BTF3L4: variants seen among roughly 807,000 people sequenced by gnomAD.
The protein encoded by BTF3L4 is basic transcription factor 3 like 4.
Under a neutral mutation model 16.8 loss-of-function variants are expected in BTF3L4, and 6 were observed. The ratio of observed to expected loss-of-function variants is 0.36; its 90% CI spans 0.20 to 0.71. The LOEUF (loss-of-function observed/expected upper bound fraction) is 0.71, where lower values mean the gene tolerates loss of function less well. Ranked by LOEUF, BTF3L4 falls within the 30% of genes least tolerant of loss-of-function variation. The probability of loss-of-function intolerance (pLI) is 0.58; values close to 1 mark genes in which losing one functional copy is unlikely to be tolerated. For missense variants in BTF3L4, 92 were observed against 186.9 expected, an observed-to-expected ratio of 0.49 and a Z score of 2.96; for synonymous variants, 39 against 59.8, an observed-to-expected ratio of 0.65 and a Z score of 1.60.
At chr1:52,070,633 C>CTTT (rs35272382) in intron 3 of BTF3L4, among the ~76,000 whole-genome samples, 3 of 101,674 alleles carry the variant, frequency 3.0e-5, no homozygotes, top group African/African-American at 1.1e-4. Context: ...AAATAACCAG[C>CTTT]TTTTTTTTTT....
chr1:52,075,330 G>C (rs1686903362), intron 3 of BTF3L4, among the ~76,000 whole-genome samples: 2 of 150,802 alleles, frequency 1.3e-5, no homozygotes, highest in Admixed American at 6.6e-5. Context: ...CACGAGGTCT[G>C]GCCAACATGG....
intron 3 of BTF3L4, 82 bp from the exon 4 acceptor site, chr1:52,083,258 A>G: frequency 1.7e-6 from 2 of 1,173,696 alleles, no homozygotes; most frequent in Admixed American, 1.9e-5. Context: ...AAAGAACCAT[A>G]ATTGGCTGAA....
chr1:52,076,824 C>T (rs1686946838), intron 3 of BTF3L4, among the ~76,000 whole-genome samples: 1 of 152,126 alleles, frequency 6.6e-6, no homozygotes, highest in African/African-American at 2.4e-5. Flanking sequence ...TCTCACAACA[C>T]CCCAGACGCT....
In BTF3L4 at chr1:52,085,613, G is replaced by A. The variant is rs547911006; in HGVS notation, c.371-499G>A. Among the ~76,000 whole-genome samples the A allele has an allele frequency of 4.2e-3, 644 of 152,134 alleles. 7 individuals carry two copies. The highest frequency in any genetic ancestry group is 0.014 in the African/African-American group (597 of 41,510). ...GTCGGTAATCCCAGCACTTTGGGAG[G>A]CCAAGGCAGGTGGATCCCTTGAGGT... On this transcript the variant is annotated intron_variant, in intron 4 of 5. Transcript: ENST00000313334.
intron 3 of BTF3L4, among the ~76,000 whole-genome samples, chr1:52,080,759 C>G (rs1278832332): frequency 1.3e-5 from 2 of 151,388 alleles, no homozygotes; most frequent in Non-Finnish European, 2.9e-5. Context: ...GTCTCGAACT[C>G]CTGATCTCAG....
chr1:52,071,800 C>T (rs1686792016), intron 3 of BTF3L4, among the ~76,000 whole-genome samples: 3 of 152,016 alleles, frequency 2.0e-5, no homozygotes, highest in Admixed American at 6.6e-5. Flanking sequence ...CCTCAGGTGC[C>T]CATAGATAGA....
intron 3 of BTF3L4, chr1:52,071,380 T>A (rs1271224918): frequency 2.0e-5 from 3 of 152,256 alleles, no homozygotes; most frequent in African/African-American, 7.2e-5. Context: ...AAGTTGCTCT[T>A]CTATAATATG....
At chr1:52,084,265 G>A (rs964579068) in intron 4 of BTF3L4, among the ~76,000 whole-genome samples, 9 of 151,862 alleles carry the variant, frequency 5.9e-5, no homozygotes, top group African/African-American at 9.7e-5. Flanking sequence ...TCAGCCTCCC[G>A]AGTAGCAGGG....
chr1:52,088,158 AC>A lies in BTF3L4; in HGVS notation c.*1401del. The stretch of plus-strand genomic sequence containing the variant: ...ATATCATTTCCTGGCCCATCATCAA[AC>A]TAATACAGCTTAACCTTGCAGCTAC... On this transcript the variant is annotated 3_prime_UTR_variant, in exon 6 of 6. Coordinates refer to ENST00000313334, the MANE Select transcript of BTF3L4 (RefSeq NM_152265.5). 6.5e-6 allele frequency: 1 copy of A among 152,678 alleles called. No individual in the cohort carries two copies. The highest frequency in any genetic ancestry group is 1.9e-4 in the East Asian group (1 of 5,182). 9.5% of individuals were successfully genotyped at this position (152,678 alleles called of 1,614,324 possible).
chr1:52,077,352 G>A (rs1198133956), intron 3 of BTF3L4, among the ~76,000 whole-genome samples: 1 of 152,070 alleles, frequency 6.6e-6, no homozygotes, highest in African/African-American at 2.4e-5. Context: ...GACCAGCCTG[G>A]CCAACATGGC....
chr1:52,075,648 A>G (rs1686913599), intron 3 of BTF3L4, among the ~76,000 whole-genome samples: 1 of 148,222 alleles, frequency 6.7e-6, no homozygotes, highest in Non-Finnish European at 1.5e-5. Flanking sequence ...TGTATATAAT[A>G]AAATATATGT....
At chr1:52,058,258 C>G (rs1686424887) in intron 1 of BTF3L4, among the ~76,000 whole-genome samples, 1 of 152,226 alleles carries the variant, frequency 6.6e-6, no homozygotes, top group South Asian at 2.1e-4. Context: ...GTGTTTTTAG[C>G]TGCTTCAGCA....
chr1:52,088,309 T>C lies in BTF3L4; in HGVS notation c.*1551T>C, dbSNP rs1643990222. On this transcript the variant is annotated 3_prime_UTR_variant, in exon 6 of 6. Coordinates refer to ENST00000313334, the MANE Select transcript of BTF3L4 (RefSeq NM_152265.5). ...TTTTTTTCATCCAAACACCTCAATT[T>C]ATTTTATAAATTCGTTCATTTTTCC... 2 of 152,610 alleles carry C rather than the reference T, an allele frequency of 1.3e-5. No homozygotes were observed. The highest frequency in any genetic ancestry group is 6.5e-5 in the Admixed American group (1 of 15,274). 9.5% of individuals were successfully genotyped at this position (152,610 alleles called of 1,614,324 possible).
intron 3 of BTF3L4, among the ~76,000 whole-genome samples, chr1:52,070,679 C>T (rs1301133409): frequency 2.9e-5 from 4 of 137,676 alleles, no homozygotes; most frequent in Non-Finnish European, 4.6e-5. Flanking sequence ...CTGTGTTACT[C>T]AGGCTGGAGT....
chr1:52,068,234 G>T (rs1277352648), intron 3 of BTF3L4, among the ~76,000 whole-genome samples: 2 of 152,178 alleles, frequency 1.3e-5, no homozygotes, highest in African/African-American at 4.8e-5. Flanking sequence ...CTGTGCCGAG[G>T]TCATGGTGTT....
chr1:52,066,621 A>T (rs1320730042), intron 3 of BTF3L4, among the ~76,000 whole-genome samples: 2 of 150,912 alleles, frequency 1.3e-5, no homozygotes, highest in African/African-American at 4.9e-5. Flanking sequence ...AGGCGGGTGG[A>T]TCACGAGGTC....
At chr1:52,065,008 G>A in intron 3 of BTF3L4, 70 bp downstream of exon 3, 1 of 816,602 alleles carries the variant, frequency 1.2e-6, no homozygotes. Context: ...CCTTTCAGAT[G>A]TAAAATATCA....
chr1:52,062,178 C>T (rs1403681431), intron 2 of BTF3L4, among the ~76,000 whole-genome samples: 1 of 142,260 alleles, frequency 7.0e-6, no homozygotes, highest in African/African-American at 2.6e-5. Context: ...CTCCTGACCT[C>T]GTGATCGCCC....
At chr1:52,082,608 G>A (rs1161216520) in intron 3 of BTF3L4, among the ~76,000 whole-genome samples, 1 of 152,076 alleles carries the variant, frequency 6.6e-6, no homozygotes, top group African/African-American at 2.4e-5. Flanking sequence ...AGTGGCATGT[G>A]CCTCTCATCT....
Sources: allele counts gnomAD v4.1 joint callset (sites outside exome capture counted in the v4.1 genomes callset), GRCh38; gene constraint gnomAD v4.1.1; transcripts MANE v1.5; gene names NCBI Gene and HGNC (gene_info 2026-07-23, HGNC 2026-07-21).